UGT1A7: variants seen among roughly 807,000 people sequenced by gnomAD.
UGT1A7 encodes the protein UDP-glucuronosyltransferase 1A7.
UGT1A7 carries 33 observed loss-of-function variants against 45.6 expected under a neutral mutation model. The ratio of observed to expected loss-of-function variants is 0.72; its 90% CI spans 0.55 to 0.97. UGT1A7 has a LOEUF of 0.97. Ranked by LOEUF, UGT1A7 falls within the 50% of genes least tolerant of loss-of-function variation. The pLI, the probability that UGT1A7 is intolerant of heterozygous loss-of-function variation, is 0.00. For missense variants in UGT1A7, 684 were observed against 666.2 expected (o/e 1.03, Z -0.29); for synonymous variants, 274 against 250.6 (o/e 1.09, Z -0.88).
At chr2:233,715,333 G>A (rs2076445731) in intron 1 of UGT1A7, among the ~76,000 whole-genome samples, 1 of 152,000 alleles carries the variant, frequency 6.6e-6, no homozygotes, top group South Asian at 2.1e-4. Flanking sequence ...TGATTAGATT[G>A]GTGCATGTAG....
chr2:233,715,672 T>G (rs2076464299), intron 1 of UGT1A7, among the ~76,000 whole-genome samples: 1 of 152,104 alleles, frequency 6.6e-6, no homozygotes, highest in Non-Finnish European at 1.5e-5. Context: ...CTCGGGAGGC[T>G]GAGGCAGGAG....
intron 1 of UGT1A7, among the ~76,000 whole-genome samples, chr2:233,757,104 A>T (rs1373220200): frequency 1.3e-5 from 2 of 151,154 alleles, no homozygotes; most frequent in African/African-American, 2.4e-5. Flanking sequence ...GGGAGGGGGC[A>T]AGCAGAAGGG....
chr2:233,728,258 A>G (rs1381126845), intron 1 of UGT1A7, among the ~76,000 whole-genome samples: 1 of 152,204 alleles, frequency 6.6e-6, no homozygotes, highest in East Asian at 1.9e-4. Flanking sequence ...GATGACTGAA[A>G]TAAAGACTGG....
chr2:233,725,827 T>G (rs1405818881), intron 1 of UGT1A7, among the ~76,000 whole-genome samples: 1 of 152,182 alleles, frequency 6.6e-6, no homozygotes. Flanking sequence ...ATACCAGTAT[T>G]GCTACTCCTA....
intron 1 of UGT1A7, chr2:233,691,061 T>C: frequency 1.0e-6 from 1 of 986,864 alleles, no homozygotes; most frequent in Non-Finnish European, 1.2e-6. Flanking sequence ...GGAGGTCTAG[T>C]ATAAAGAATG....
At chr2:233,689,904 G>A in intron 1 of UGT1A7, 2 of 456,704 alleles carry the variant, frequency 4.4e-6, no homozygotes, top group Non-Finnish European at 8.8e-6. Flanking sequence ...CTCAGGGCCA[G>A]GTAGGTGCCT....
chr2:233,700,381 G>T (rs1575468100), intron 1 of UGT1A7, among the ~76,000 whole-genome samples: 1 of 152,232 alleles, frequency 6.6e-6, no homozygotes, highest in East Asian at 1.9e-4. Context: ...GGCATTTCCA[G>T]GCATGTGGAA....
chr2:233,685,233 A>G (rs1021314023), intron 1 of UGT1A7, among the ~76,000 whole-genome samples: 1 of 152,146 alleles, frequency 6.6e-6, no homozygotes, highest in African/African-American at 2.4e-5. Context: ...GGGTTTCACC[A>G]TGTTGGCCAG....
intron 1 of UGT1A7, among the ~76,000 whole-genome samples, chr2:233,703,870 A>T (rs4439950): frequency 1 from 151,412 of 152,146 alleles, 75,342 homozygotes; most frequent in East Asian, 1. Context: ...TGTAGATGGA[A>T]TTATGTCTAC....
At chr2:233,704,442 T>C (rs957652492) in intron 1 of UGT1A7, among the ~76,000 whole-genome samples, 1 of 152,198 alleles carries the variant, frequency 6.6e-6, no homozygotes, top group African/African-American at 2.4e-5. Context: ...AATATTGAAA[T>C]GTCATTCCTA....
chr2:233,702,713 T>C (rs928931603), intron 1 of UGT1A7, among the ~76,000 whole-genome samples: 3 of 152,216 alleles, frequency 2.0e-5, no homozygotes, highest in African/African-American at 2.4e-5. Context: ...TCTGTGTCTA[T>C]TGAAATGAAC....
chr2:233,753,820 G>C (rs1695319484), intron 1 of UGT1A7, among the ~76,000 whole-genome samples: 1 of 152,168 alleles, frequency 6.6e-6, no homozygotes, highest in African/African-American at 2.4e-5. Context: ...AACCACGTTA[G>C]GGCTGAAGAC....
At chr2:233,697,498 TTATC>T (rs2075395105) in intron 1 of UGT1A7, among the ~76,000 whole-genome samples, 1 of 151,666 alleles carries the variant, frequency 6.6e-6, no homozygotes, top group African/African-American at 2.4e-5. Flanking sequence ...CCAATTTTGT[TTATC>T]TTTTTTTTTT....
chr2:233,731,166 G>T (rs1000792478), intron 1 of UGT1A7, among the ~76,000 whole-genome samples: 13 of 151,756 alleles, frequency 8.6e-5, no homozygotes, highest in Admixed American at 3.3e-4. Flanking sequence ...CAAACGACAT[G>T]ATTTTTTTAT....
intron 1 of UGT1A7, chr2:233,755,110 CGT>C: frequency 7.5e-7 from 1 of 1,333,642 alleles, no homozygotes; most frequent in Non-Finnish European, 1.0e-6. Flanking sequence ...GACAACACCT[CGT>C]AGGCCTCAGC....
At chr2:233,704,471 C>A (rs1485510599) in intron 1 of UGT1A7, among the ~76,000 whole-genome samples, 1 of 152,068 alleles carries the variant, frequency 6.6e-6, no homozygotes, top group Admixed American at 6.6e-5. Context: ...TATTTCCTTT[C>A]TCCCCTTTTT....
chr2:233,703,422 ATTGC>A (rs1478163574), intron 1 of UGT1A7, among the ~76,000 whole-genome samples: 1 of 151,304 alleles, frequency 6.6e-6, no homozygotes, highest in East Asian at 1.9e-4. Context: ...ATTTTTCTCT[ATTGC>A]TTCTCTATTT....
chr2:233,729,112 G>C, intron 1 of UGT1A7: 1 of 1,612,932 alleles, frequency 6.2e-7, no homozygotes, highest in Non-Finnish European at 8.5e-7. Flanking sequence ...TCAGCTGTCC[G>C]TGTCTTCTGC....
At chr2:233,763,812 C>A (rs1698404052) in intron 1 of UGT1A7, among the ~76,000 whole-genome samples, 1 of 152,104 alleles carries the variant, frequency 6.6e-6, no homozygotes, top group Non-Finnish European at 1.5e-5. Context: ...TCAAGAATTC[C>A]AAGATGTTCC....
Sources: gnomAD v4.1 joint callset for allele counts (sites outside exome capture counted in the v4.1 genomes callset) on GRCh38, gnomAD v4.1.1 for gene constraint, MANE v1.5 for transcripts, NCBI Gene and HGNC (gene_info 2026-07-23, HGNC 2026-07-21) for gene names.